The following TMCO4 variants were observed in gnomAD, a reference collection of about 807,000 sequenced individuals.
The protein encoded by TMCO4 is transmembrane and coiled-coil domain-containing protein 4.
TMCO4 carries 58 observed loss-of-function variants against 64.7 expected under a neutral mutation model. The observed-to-expected ratio is 0.90, with a 90% CI of 0.73 to 1.12. The LOEUF is 1.12. Ranked by LOEUF, TMCO4 falls within the 50% of genes most tolerant of loss-of-function variation. TMCO4 has a pLI of 0.00. For synonymous variants in TMCO4, 325 were observed against 346.1 expected (o/e 0.94, Z 0.68); for missense variants, 780 against 825.9 (o/e 0.94, Z 0.68).
intron 2 of TMCO4, among the ~76,000 whole-genome samples, chr1:19,790,022 C>T (rs2043949784): frequency 1.4e-5 from 2 of 147,218 alleles, no homozygotes; most frequent in Non-Finnish European, 3.0e-5. Context: ...CACTGGACTC[C>T]AGCCTGGGTG....
chr1:19,723,661 T>C (rs1004127713), intron 13 of TMCO4, among the ~76,000 whole-genome samples: 1 of 152,242 alleles, frequency 6.6e-6, no homozygotes, highest in Admixed American at 6.5e-5. Context: ...CATCACTGCG[T>C]TTCAGGGTGC....
chr1:19,781,166 A>T (rs1052069012), intron 3 of TMCO4, among the ~76,000 whole-genome samples: 1 of 151,672 alleles, frequency 6.6e-6, no homozygotes, highest in Non-Finnish European at 1.5e-5. Context: ...AAAAAAAAAA[A>T]AGATATTCCT....
intron 10 of TMCO4, 184 bp downstream of exon 10, chr1:19,745,348 C>T (rs1028889681): frequency 1.2e-5 from 11 of 898,660 alleles, no homozygotes; most frequent in Middle Eastern, 3.5e-4. Context: ...AGATGGATGG[C>T]GAGATGATGG....
At chr1:19,718,005 T>C (rs1415867110) in intron 13 of TMCO4, among the ~76,000 whole-genome samples, 1 of 152,132 alleles carries the variant, frequency 6.6e-6, no homozygotes, top group Non-Finnish European at 1.5e-5. Context: ...AGAAGTCACC[T>C]AACCTCCCTG....
chr1:19,768,915 C>T (rs1468757664), intron 6 of TMCO4, among the ~76,000 whole-genome samples: 1 of 152,118 alleles, frequency 6.6e-6, no homozygotes, highest in Non-Finnish European at 1.5e-5. Context: ...GGCTTAGAGG[C>T]CTTTTTTAAA....
chr1:19,752,246 C>A (rs1017577959), intron 7 of TMCO4, among the ~76,000 whole-genome samples: 1 of 152,144 alleles, frequency 6.6e-6, no homozygotes, highest in African/African-American at 2.4e-5. Context: ...GAGAACAACA[C>A]TAAATCCGAA....
At chr1:19,744,935 T>TATGA (rs1557552881) in intron 10 of TMCO4, among the ~76,000 whole-genome samples, 1 of 152,110 alleles carries the variant, frequency 6.6e-6, no homozygotes, top group Non-Finnish European at 1.5e-5. Flanking sequence ...TGGTTCAGTA[T>TATGA]ATGACACATG....
chr1:19,787,426 C>T (rs755058823), intron 2 of TMCO4, among the ~76,000 whole-genome samples: 1 of 152,260 alleles, frequency 6.6e-6, no homozygotes, highest in Non-Finnish European at 1.5e-5. Flanking sequence ...TCACTGCATC[C>T]AGTTCCTCAG....
rs746970804 is a variant in TMCO4 at position 19,682,427 on chromosome 1, G to A, written c.*613C>T. 1.7e-6 allele frequency: 1 copy of A among 581,886 alleles called. No individual in the cohort carries two copies. The highest frequency in any genetic ancestry group is 3.1e-6 in the Non-Finnish European group (1 of 323,710). 36.0% of individuals were successfully genotyped at this position (581,886 alleles called of 1,614,324 possible). A position where few individuals can be genotyped will look rare whatever the true frequency, so the allele number is the denominator to read the frequency against. Reference sequence around the variant, plus strand: ...CATGACGGGGGAGCACACTCACATTGTGTCTGTGTGACTCATGTCCCTGGA... The same window carrying A: ...CATGACGGGGGAGCACACTCACATTATGTCTGTGTGACTCATGTCCCTGGA... On this transcript the variant is annotated 3_prime_UTR_variant, in exon 16 of 16. Coordinates refer to ENST00000294543, the MANE Select transcript of TMCO4 (RefSeq NM_181719.7).
In TMCO4 at chr1:19,755,622, G is replaced by C; in HGVS notation, c.515+12C>G. On this transcript the variant is annotated intron_variant, in intron 7 of 15. Transcript: ENST00000294543. ...TCCTTGGATCCTGATGGGGGTCGCG[G>C]GGCTCTCTTACTCAGATTCCTCTTC... 1.2e-6 allele frequency: 2 copies of C among 1,613,646 alleles called. No individual in the cohort carries two copies. Among genetic ancestry groups the C allele is most frequent in the Non-Finnish European group, 1.7e-6 (2 of 1,179,804 alleles).
rs956214337 is a variant in TMCO4 at position 19,746,603 on chromosome 1, T to G, written c.614-4A>C. 4 of 1,600,252 alleles carry G rather than the reference T, an allele frequency of 2.5e-6. No homozygotes were observed. The highest frequency in any genetic ancestry group is 3.4e-6 in the Non-Finnish European group (4 of 1,170,238). On this transcript the variant is annotated splice_region_variant and splice_polypyrimidine_tract_variant and intron_variant, in intron 8 of 15. Transcript: ENST00000294543. ...GCAGCTAGACCTCCAGTCACACCTG[T>G]GGGAAAAGCAGCAGTTTCAGGTGGG... is the stretch of plus-strand genomic sequence containing the variant.
chr1:19,767,288 A>G (rs559856038), intron 6 of TMCO4, among the ~76,000 whole-genome samples: 1 of 152,340 alleles, frequency 6.6e-6, no homozygotes, highest in East Asian at 1.9e-4. Context: ...GAAATGAAAC[A>G]GTGATTGACA....
At chr1:19,788,145 C>G (rs1303674348) in intron 2 of TMCO4, among the ~76,000 whole-genome samples, 3 of 152,158 alleles carry the variant, frequency 2.0e-5, no homozygotes, top group Non-Finnish European at 4.4e-5. Context: ...AGTGGGAACA[C>G]CCTTCTCCTG....
intron 3 of TMCO4, among the ~76,000 whole-genome samples, chr1:19,781,013 T>C (rs2101072068): frequency 6.6e-6 from 1 of 151,842 alleles, no homozygotes; most frequent in Non-Finnish European, 1.5e-5. Flanking sequence ...AGTAAGTCAT[T>C]AAGAAAAAGA....
intron 6 of TMCO4, among the ~76,000 whole-genome samples, chr1:19,762,020 G>T (rs1461967963): frequency 6.6e-6 from 1 of 152,210 alleles, no homozygotes; most frequent in African/African-American, 2.4e-5. Context: ...GCCGCATTTT[G>T]CAAATGAAGA....
chr1:19,749,236 C>T (rs1289403057), intron 7 of TMCO4, among the ~76,000 whole-genome samples: 1 of 152,228 alleles, frequency 6.6e-6, no homozygotes, highest in East Asian at 1.9e-4. Flanking sequence ...TCACGATTCA[C>T]CACATATTCA....
chr1:19,752,944 T>C (rs2042085446), intron 7 of TMCO4, among the ~76,000 whole-genome samples: 1 of 151,626 alleles, frequency 6.6e-6, no homozygotes, highest in African/African-American at 2.4e-5. Flanking sequence ...GGTATCTTTC[T>C]TTCTTTATTT....
intron 13 of TMCO4, among the ~76,000 whole-genome samples, chr1:19,719,529 TATTGATTG>T (rs984300654): frequency 6.6e-6 from 1 of 152,100 alleles, no homozygotes; most frequent in Non-Finnish European, 1.5e-5. Flanking sequence ...GTGCTTTATT[TATTGATTG>T]ATTGATTTAG....
intron 13 of TMCO4, among the ~76,000 whole-genome samples, chr1:19,724,026 A>C (rs528955590): frequency 2.0e-5 from 3 of 152,210 alleles, no homozygotes; most frequent in Non-Finnish European, 4.4e-5. Flanking sequence ...AGAGGGAAGC[A>C]AATGTCTTTG....
Sources: allele counts gnomAD v4.1 joint callset (sites outside exome capture counted in the v4.1 genomes callset), GRCh38; gene constraint gnomAD v4.1.1; transcripts MANE v1.5; gene names NCBI Gene and HGNC (gene_info 2026-07-23, HGNC 2026-07-21).